The following LRP6 variants were observed in gnomAD, a reference collection of about 807,000 sequenced individuals.
LRP6 encodes LDL receptor related protein 6.
In LRP6, 43 loss-of-function variants were observed where a neutral mutation model predicts 184.1. That is an observed-to-expected ratio of 0.23 (90% CI 0.18 to 0.30). The LOEUF (loss-of-function observed/expected upper bound fraction) is 0.30, where lower values mean the gene tolerates loss of function less well. Among genes scored for constraint, LRP6 ranks in the 10% least tolerant of loss-of-function variants. LRP6 has a pLI of 1.00. For missense variants in LRP6, 1,571 were observed against 2,005.3 expected, an observed-to-expected ratio of 0.78 and a Z score of 4.14; for synonymous variants, 719 against 684.9, an observed-to-expected ratio of 1.05 and a Z score of -0.78.
intron 4 of LRP6, among the ~76,000 whole-genome samples, chr12:12,185,297 C>CA (rs1863441903): frequency 6.6e-6 from 1 of 151,900 alleles, no homozygotes; most frequent in Admixed American, 6.6e-5. Flanking sequence ...AAAAAACAAA[C>CA]AAAAAACAGG....
rs1865792798 is a variant in LRP6, at chr12:12,267,020, GC to G, written c.-286del. 4.2e-6 allele frequency: 2 copies of G among 481,420 alleles called. No homozygotes were observed. The highest frequency in any genetic ancestry group is 7.3e-6 in the Non-Finnish European group (2 of 274,288). The allele number at this position is 481,420 out of a possible 1,614,324, so 29.8% of individuals were successfully genotyped here. On this transcript the variant is annotated 5_prime_UTR_variant, in exon 1 of 23. Transcript: ENST00000261349. ...CCGCGCAGCTCCTCATTCAGCCTCT[GC>G]CTCGCGCAGCGGCGCAGGGATACGG...
chr12:12,137,241 T>C (rs1457035043), intron 16 of LRP6, among the ~76,000 whole-genome samples: 1 of 152,164 alleles, frequency 6.6e-6, no homozygotes, highest in Non-Finnish European at 1.5e-5. Flanking sequence ...AACATTGGCA[T>C]CCCCGGTACC....
intron 2 of LRP6, among the ~76,000 whole-genome samples, chr12:12,234,272 A>G (rs1262118833): frequency 2.0e-5 from 3 of 151,052 alleles, no homozygotes; most frequent in Non-Finnish European, 4.4e-5. Flanking sequence ...GGGCAACAAG[A>G]GCGAAACTCC....
chr12:12,156,254 G>A (rs1383228204), intron 12 of LRP6, among the ~76,000 whole-genome samples: 2 of 152,122 alleles, frequency 1.3e-5, no homozygotes, highest in Non-Finnish European at 1.5e-5. Context: ...GGACGTGAAG[G>A]GTATCCACGC....
intron 1 of LRP6, among the ~76,000 whole-genome samples, chr12:12,244,945 T>C (rs571112267): frequency 6.6e-6 from 1 of 152,294 alleles, no homozygotes; most frequent in South Asian, 2.1e-4. Context: ...GGCAATAATA[T>C]GGAGCTACTG....
intron 7 of LRP6, among the ~76,000 whole-genome samples, chr12:12,176,266 A>G (rs1300859012): frequency 6.6e-6 from 1 of 152,194 alleles, no homozygotes; most frequent in Non-Finnish European, 1.5e-5. Flanking sequence ...ACAAAAGGCA[A>G]TGAAGTCATT....
intron 2 of LRP6, among the ~76,000 whole-genome samples, chr12:12,233,772 G>GA (rs1401389261): frequency 1.3e-5 from 2 of 151,838 alleles, no homozygotes; most frequent in African/African-American, 2.4e-5. Flanking sequence ...TATGATTCTA[G>GA]AAAAAATATT....
chr12:12,221,467 A>T (rs76801497), intron 2 of LRP6, among the ~76,000 whole-genome samples: 1,802 of 152,322 alleles, frequency 0.012, 31 homozygotes, highest in African/African-American at 0.041. Context: ...AACAGCATCA[A>T]CAGCATCAGC....
intron 2 of LRP6, among the ~76,000 whole-genome samples, chr12:12,224,594 T>C (rs1864570433): frequency 1.3e-5 from 2 of 152,352 alleles, no homozygotes; most frequent in Non-Finnish European, 2.9e-5. Flanking sequence ...CTTATGTGTC[T>C]ATCAAAAATA....
At chr12:12,204,816 A>G (rs1425398994) in intron 2 of LRP6, among the ~76,000 whole-genome samples, 1 of 148,222 alleles carries the variant, frequency 6.7e-6, no homozygotes, top group Non-Finnish European at 1.5e-5. Flanking sequence ...AAAAAAAAAA[A>G]GTTAGCCAGG....
intron 14 of LRP6, among the ~76,000 whole-genome samples, chr12:12,148,248 T>C (rs1232175075): frequency 6.6e-6 from 1 of 151,880 alleles, no homozygotes; most frequent in East Asian, 1.9e-4. Flanking sequence ...ATACGACAAA[T>C]TAAAGATCAG....
At chr12:12,179,679 TTTCTGTAAAAG>T in intron 7 of LRP6, 120 bp downstream of exon 7, 2 of 866,694 alleles carry the variant, frequency 2.3e-6, no homozygotes, top group Non-Finnish European at 3.6e-6. Flanking sequence ...TTGAGTAAAA[TTTCTGTAAAAG>T]GTACCTTTGG....
At position 12,135,230 on chromosome 12, in the gene LRP6, T is replaced by G; in HGVS notation, c.3678A>C (p.Thr1226=). 1 of 1,613,720 alleles carries G rather than the reference T, an allele frequency of 6.2e-7. No individual in the cohort carries two copies. The highest frequency in any genetic ancestry group is 8.5e-7 in the Non-Finnish European group (1 of 1,179,832). ...HICLVKGDGT[T]RCSCPMHLVL... ...CCAGGTGCATGGGGCAAGAACACCTTGTAGTACCATCCCCCTTTACAAGAC... is the reference window on the plus strand; with the variant it reads ...CCAGGTGCATGGGGCAAGAACACCTGGTAGTACCATCCCCCTTTACAAGAC... The change falls in exon 17 of 23, where the codon ACA becomes ACC. Residue 1226 remains threonine, a synonymous_variant. Transcript: ENST00000261349.
chr12:12,239,354 C>T (rs1865002742), intron 2 of LRP6, among the ~76,000 whole-genome samples: 1 of 152,166 alleles, frequency 6.6e-6, no homozygotes, highest in Admixed American at 6.5e-5. Flanking sequence ...CACTTTTAAA[C>T]TGTTCCATTT....
chr12:12,249,671 A>G (rs998864660), intron 1 of LRP6, among the ~76,000 whole-genome samples: 1 of 141,452 alleles, frequency 7.1e-6, no homozygotes, highest in African/African-American at 2.8e-5. Flanking sequence ...GTGCTATAAC[A>G]GAAGGAAGGA....
chr12:12,124,464 C>T (rs1358680123), intron 22 of LRP6, 101 bp downstream of exon 22: 30 of 814,762 alleles, frequency 3.7e-5, no homozygotes, highest in Non-Finnish European at 6.1e-5. Context: ...ACTAGTCTCT[C>T]TCTGGTGACC....
chr12:12,216,035 A>G (rs1864335087), intron 2 of LRP6, among the ~76,000 whole-genome samples: 1 of 152,058 alleles, frequency 6.6e-6, no homozygotes, highest in Non-Finnish European at 1.5e-5. Flanking sequence ...ATAATGATCT[A>G]TTTGTGTGAT....
At chr12:12,249,844 C>T (rs1262358172) in intron 1 of LRP6, among the ~76,000 whole-genome samples, 1 of 152,154 alleles carries the variant, frequency 6.6e-6, no homozygotes, top group Non-Finnish European at 1.5e-5. Flanking sequence ...CTCTACCTCC[C>T]GTTAAATTAA....
At chr12:12,154,203 C>T (rs1950118953) in intron 12 of LRP6, among the ~76,000 whole-genome samples, 1 of 152,166 alleles carries the variant, frequency 6.6e-6, no homozygotes, top group Non-Finnish European at 1.5e-5. Flanking sequence ...TCTAACATGT[C>T]GGACATGTTC....
Sources: allele counts gnomAD v4.1 joint callset (sites outside exome capture counted in the v4.1 genomes callset), GRCh38; gene constraint gnomAD v4.1.1; transcripts MANE v1.5; gene names NCBI Gene and HGNC (gene_info 2026-07-23, HGNC 2026-07-21).